C12orf56: variants seen among roughly 807,000 people sequenced by gnomAD.
C12orf56 encodes the protein chromosome 12 open reading frame 56, also known as uncharacterized protein C12orf56.
In C12orf56, 71 loss-of-function variants were observed where a neutral mutation model predicts 69.9. That is an observed-to-expected ratio of 1.02 (90% confidence interval 0.84 to 1.24). C12orf56 has a LOEUF of 1.24. C12orf56 is among the 50% of genes most tolerant of loss of function. The pLI, the probability that C12orf56 is intolerant of heterozygous loss-of-function variation, is 0.00. For synonymous variants in C12orf56, 276 were observed against 274.1 expected, an observed-to-expected ratio of 1.01 and a Z score of -0.07; for missense variants, 732 against 738.5, an observed-to-expected ratio of 0.99 and a Z score of 0.10.
intron 8 of C12orf56, among the ~76,000 whole-genome samples, chr12:64,279,272 T>C (rs978652042): frequency 8.5e-5 from 13 of 152,180 alleles, no homozygotes; most frequent in African/African-American, 2.9e-4. Flanking sequence ...GTTATTTTAC[T>C]TTCCAATGTG....
intron 6 of C12orf56, among the ~76,000 whole-genome samples, chr12:64,298,260 T>A (rs1340826062): frequency 2.0e-5 from 3 of 152,162 alleles, no homozygotes; most frequent in Non-Finnish European, 4.4e-5. Context: ...GTTTACGTCC[T>A]TTGTAGATTC....
At chr12:64,307,662 C>T (rs550296760) in intron 5 of C12orf56, among the ~76,000 whole-genome samples, 1 of 152,202 alleles carries the variant, frequency 6.6e-6, no homozygotes, top group Admixed American at 6.5e-5. Context: ...AGCCACCTCG[C>T]CCGGCCAGAC....
chr12:64,370,840 C>A (rs1338967345), intron 1 of C12orf56, among the ~76,000 whole-genome samples: 1 of 151,942 alleles, frequency 6.6e-6, no homozygotes, highest in East Asian at 1.9e-4. Flanking sequence ...GACATATAGA[C>A]CATTGGAAGA....
At chr12:64,269,187 A>G (rs1007760531) in intron 12 of C12orf56, among the ~76,000 whole-genome samples, 42 of 152,136 alleles carry the variant, frequency 2.8e-4, no homozygotes, top group Non-Finnish European at 1.3e-4. Flanking sequence ...TTTTAAAAAA[A>G]GACAATCTAA....
intron 8 of C12orf56, among the ~76,000 whole-genome samples, chr12:64,283,961 G>A (rs950951744): frequency 6.8e-6 from 1 of 146,466 alleles, no homozygotes; most frequent in Non-Finnish European, 1.5e-5. Flanking sequence ...GCAATGGTGT[G>A]ATCTCAGCTC....
At chr12:64,285,515 T>A (rs1441759818) in intron 7 of C12orf56, among the ~76,000 whole-genome samples, 1 of 152,042 alleles carries the variant, frequency 6.6e-6, no homozygotes, top group East Asian at 1.9e-4. Context: ...AGACCAGGCA[T>A]GGTGGCTCAT....
At position 64,280,201 on chromosome 12, in the gene C12orf56, T is replaced by C. The variant is rs554298981; in HGVS notation, c.1311-2398A>G. ...ATTTGAAATCCACCCCTTCTGCTAA[T>C]TCAATTTAAAATCCACTAGGACAAT... On this transcript the variant is annotated intron_variant, in intron 8 of 12. Transcript: ENST00000543942. Among the ~76,000 whole-genome samples the C allele has an allele frequency of 1.6e-3, 251 of 152,326 alleles. 1 individual carries two copies. Among genetic ancestry groups the C allele is most frequent in the Middle Eastern group, 6.8e-3 (2 of 294 alleles).
At chr12:64,351,776 G>T (rs2039225047) in intron 2 of C12orf56, among the ~76,000 whole-genome samples, 1 of 151,634 alleles carries the variant, frequency 6.6e-6, no homozygotes, top group African/African-American at 2.4e-5. Flanking sequence ...GTGGGATGAT[G>T]CCTCATTCCC....
intron 1 of C12orf56, among the ~76,000 whole-genome samples, chr12:64,370,332 G>A (rs2039553454): frequency 6.6e-6 from 1 of 151,436 alleles, no homozygotes. Flanking sequence ...GTGACAGAGT[G>A]AGACTCTGCC....
At chr12:64,281,709 A>C (rs1163947588) in intron 8 of C12orf56, among the ~76,000 whole-genome samples, 1 of 152,242 alleles carries the variant, frequency 6.6e-6, no homozygotes, top group Non-Finnish European at 1.5e-5. Context: ...ACCAGACTCT[A>C]CTATAGCAAT....
Position 64,308,947 on chromosome 12 carries a change from G to GAAAGAAAGAAAGAAA in C12orf56, c.968+3717_968+3731dup, listed in dbSNP as rs1565749014. Among the ~76,000 whole-genome samples the GAAAGAAAGAAAGAAA allele has an allele frequency of 3.2e-3, 215 of 67,750 alleles. 7 individuals carry two copies. The highest frequency in any genetic ancestry group is 4.7e-3 in the Non-Finnish European group (156 of 33,302). The allele number at this position is 67,750 out of a possible 152,430, so 44.4% of individuals were successfully genotyped here. ...AAGAAAGAAAGAAAGAAAGAAGAAA[G>GAAAGAAAGAAAGAAA]AAAGAAAGAAAGAAAGAAAGAAAGA... On this transcript the variant is annotated intron_variant, in intron 5 of 12. Transcript: ENST00000543942.
intron 1 of C12orf56, among the ~76,000 whole-genome samples, chr12:64,363,634 T>A (rs2039426743): frequency 6.6e-6 from 1 of 152,184 alleles, no homozygotes; most frequent in South Asian, 2.1e-4. Context: ...CACCTATAGA[T>A]GATCATGGGA....
In C12orf56 at chr12:64,267,289, C is replaced by G. The variant is rs963970718; in HGVS notation, c.1764-1G>C. 8.1e-6 allele frequency: 13 copies of G among 1,600,532 alleles called. No homozygotes were observed. The highest frequency in any genetic ancestry group is 1.1e-5 in the Non-Finnish European group (13 of 1,172,536). On this transcript the variant is annotated splice_acceptor_variant, in intron 12 of 12. Transcript: ENST00000543942. LOFTEE classifies it high-confidence loss of function. ...CAAGGCTGGCATGTGAATAAAGTACCTGCAAATCATAAAAAGAAACAAAAT... is the reference window on the plus strand; with the variant it reads ...CAAGGCTGGCATGTGAATAAAGTACGTGCAAATCATAAAAAGAAACAAAAT...
chr12:64,338,095 C>T (rs773076600), intron 2 of C12orf56: 2 of 461,984 alleles, frequency 4.3e-6, no homozygotes, highest in Non-Finnish European at 8.4e-6. Flanking sequence ...GCTACAGAGA[C>T]ATTTGTGTTT....
chr12:64,286,101 T>A, intron 6 of C12orf56, 41 bp from the exon 7 acceptor site: 1 of 1,292,992 alleles, frequency 7.7e-7, no homozygotes, highest in Non-Finnish European at 1.1e-6. Flanking sequence ...AATTAAGGTA[T>A]CTGTTGTTAA....
At chr12:64,285,647 G>A (rs962506847) in intron 7 of C12orf56, among the ~76,000 whole-genome samples, 2 of 152,186 alleles carry the variant, frequency 1.3e-5, no homozygotes, top group Non-Finnish European at 1.5e-5. Context: ...AATTAGCCAG[G>A]CGTGGTGGCG....
At chr12:64,276,855 G>A (rs1374919132) in intron 9 of C12orf56, among the ~76,000 whole-genome samples, 1 of 151,846 alleles carries the variant, frequency 6.6e-6, no homozygotes, top group Non-Finnish European at 1.5e-5. Context: ...TTAGCCAGGC[G>A]TGGTGGCTCA....
intron 9 of C12orf56, among the ~76,000 whole-genome samples, chr12:64,275,775 G>T (rs2038042934): frequency 6.6e-6 from 1 of 151,794 alleles, no homozygotes. Context: ...GGTAATTTTT[G>T]ATTTTTTATT....
At chr12:64,365,256 C>A (rs2039449847) in intron 1 of C12orf56, among the ~76,000 whole-genome samples, 1 of 150,078 alleles carries the variant, frequency 6.7e-6, no homozygotes, top group Non-Finnish European at 1.5e-5. Flanking sequence ...CCTCCGCCTT[C>A]CGGTTTCAAG....
Sources: gnomAD v4.1 joint callset for allele counts (sites outside exome capture counted in the v4.1 genomes callset) on GRCh38, gnomAD v4.1.1 for gene constraint, MANE v1.5 for transcripts, NCBI Gene and HGNC (gene_info 2026-07-23, HGNC 2026-07-21) for gene names.